Variants in NLGN1 observed in about 807,000 individuals in gnomAD.
NLGN1 encodes neuroligin-1.
In NLGN1, 12 loss-of-function variants were observed where a neutral mutation model predicts 65.5. That is an observed-to-expected ratio of 0.18 (90% CI 0.12 to 0.30). NLGN1 has a LOEUF of 0.30. Among genes scored for constraint, NLGN1 ranks in the 10% least tolerant of loss-of-function variants. The pLI is 1.00. For synonymous variants in NLGN1, 350 were observed against 359.5 expected, an observed-to-expected ratio of 0.97 and a Z score of 0.30; for missense variants, 750 against 1,007.1, an observed-to-expected ratio of 0.74 and a Z score of 3.46.
intron 2 of NLGN1, among the ~76,000 whole-genome samples, chr3:173,526,338 A>T (rs577685889): frequency 9.4e-4 from 142 of 151,544 alleles, no homozygotes; most frequent in South Asian, 1.9e-3. Flanking sequence ...TTTTTTTTTA[A>T]CTGTTGTTGG....
At chr3:173,941,733 CTG>C (rs1392898755) in intron 4 of NLGN1, among the ~76,000 whole-genome samples, 4 of 151,294 alleles carry the variant, frequency 2.6e-5, no homozygotes, top group African/African-American at 4.9e-5. Context: ...TGTAGAAAAA[CTG>C]TGTTATAGGA....
chr3:174,075,236 T>TAAAG (rs1740670789), intron 4 of NLGN1, among the ~76,000 whole-genome samples: 2 of 152,302 alleles, frequency 1.3e-5, no homozygotes, highest in South Asian at 4.1e-4. Context: ...ATTATATTTC[T>TAAAG]AAAGAAATAT....
intron 4 of NLGN1, among the ~76,000 whole-genome samples, chr3:174,092,187 G>C (rs1744648429): frequency 6.6e-6 from 1 of 152,186 alleles, no homozygotes; most frequent in South Asian, 2.1e-4. Context: ...TGACTCTTCA[G>C]AGCTTGTAAG....
rs138770182 is a variant in NLGN1 at position 174,140,650 on chromosome 3, T to C, written c.647-134665T>C. Among the ~76,000 whole-genome samples the C allele has an allele frequency of 2.6e-5, 4 of 152,274 alleles. No individual in the cohort carries two copies. In the East Asian group the frequency reaches 5.8e-4, roughly 22 times the overall value. The stretch of plus-strand genomic sequence containing the variant: ...GGGCTTAGCCATTACTCCACGTTAC[T>C]ATATGTCATCTTCCACCTTCTGGAA... On this transcript the variant is annotated intron_variant, in intron 4 of 6. Coordinates refer to ENST00000457714, the Ensembl canonical transcript of NLGN1.
At chr3:173,903,830 A>G (rs1407814834) in intron 4 of NLGN1, among the ~76,000 whole-genome samples, 1 of 152,140 alleles carries the variant, frequency 6.6e-6, no homozygotes, top group Non-Finnish European at 1.5e-5. Context: ...ATACTGTCAT[A>G]TATTTCAGGG....
intron 4 of NLGN1, among the ~76,000 whole-genome samples, chr3:174,233,475 A>G (rs1035864023): frequency 1.3e-5 from 2 of 149,878 alleles, no homozygotes; most frequent in Non-Finnish European, 3.0e-5. Context: ...AACAAGAGCA[A>G]AACTCTGTCT....
At chr3:173,428,388 G>A (rs1264110865) in intron 1 of NLGN1, among the ~76,000 whole-genome samples, 6 of 150,962 alleles carry the variant, frequency 4.0e-5, no homozygotes, top group Non-Finnish European at 5.9e-5. Flanking sequence ...TTGGCTAAGT[G>A]TTTTTTTCTG....
At chr3:174,073,876 C>A (rs999564446) in intron 4 of NLGN1, among the ~76,000 whole-genome samples, 7 of 151,976 alleles carry the variant, frequency 4.6e-5, no homozygotes, top group African/African-American at 1.7e-4. Flanking sequence ...ATAGAGTGGT[C>A]CTTTTAGTTA....
intron 4 of NLGN1, among the ~76,000 whole-genome samples, chr3:173,840,413 AT>A (rs1356246966): frequency 1.3e-5 from 2 of 152,230 alleles, no homozygotes; most frequent in African/African-American, 4.8e-5. Flanking sequence ...GAACTTTAGA[AT>A]TGCTTAAAAG....
chr3:173,785,846 A>G (rs1781870185), intron 3 of NLGN1, among the ~76,000 whole-genome samples: 1 of 152,194 alleles, frequency 6.6e-6, no homozygotes, highest in Non-Finnish European at 1.5e-5. Flanking sequence ...TTGAGCTTAT[A>G]GTATCAAACA....
At chr3:174,250,392 GT>G (rs1561388537) in intron 4 of NLGN1, among the ~76,000 whole-genome samples, 1 of 152,132 alleles carries the variant, frequency 6.6e-6, no homozygotes, top group South Asian at 2.1e-4. Flanking sequence ...ATTCAAATGA[GT>G]TTTTTATTTG....
intron 4 of NLGN1, among the ~76,000 whole-genome samples, chr3:174,148,557 G>A (rs376129563): frequency 6.6e-6 from 1 of 152,004 alleles, no homozygotes; most frequent in African/African-American, 2.4e-5. Flanking sequence ...ATACTCAGCA[G>A]CATAACCCAA....
intron 3 of NLGN1, among the ~76,000 whole-genome samples, chr3:173,612,170 C>T (rs1440352455): frequency 1.3e-5 from 2 of 152,024 alleles, no homozygotes; most frequent in Non-Finnish European, 2.9e-5. Flanking sequence ...CCAGTATAGA[C>T]GTTTGCTAGT....
At position 173,957,349 on chromosome 3, in the gene NLGN1, A is replaced by T. The variant is rs145466906; in HGVS notation, c.646+149517A>T. 1.7e-4 allele frequency among the ~76,000 whole-genome samples: 26 copies of T among 152,326 alleles called. No individual in the cohort carries two copies. In the East Asian group the frequency reaches 4.6e-3, roughly 27 times the overall value. On this transcript the variant is annotated intron_variant, in intron 4 of 6. Transcript: ENST00000457714. ...AGATCATAATGCAGATATAAATAGC[A>T]TAGCTCATTATATTTTAGATAGCTG...
the NLGN1 span, among the ~76,000 whole-genome samples, chr3:174,294,177 T>G: frequency 2.0e-5 from 3 of 151,850 alleles, no homozygotes; most frequent in African/African-American, 4.8e-5. Flanking sequence ...TCAATATAAA[T>G]GTAATATCAT....
At chr3:173,559,751 T>A (rs1370209952) in intron 2 of NLGN1, among the ~76,000 whole-genome samples, 1 of 152,138 alleles carries the variant, frequency 6.6e-6, no homozygotes, top group Non-Finnish European at 1.5e-5. Flanking sequence ...TTAATATATG[T>A]TTTATTTTCT....
chr3:173,752,438 G>A (rs942769078), intron 3 of NLGN1, among the ~76,000 whole-genome samples: 2 of 151,998 alleles, frequency 1.3e-5, no homozygotes, highest in African/African-American at 4.8e-5. Context: ...ACCACCAGCT[G>A]CTTTTTTCCC....
intron 2 of NLGN1, among the ~76,000 whole-genome samples, chr3:173,532,906 C>T (rs1467503901): frequency 6.6e-6 from 1 of 152,122 alleles, no homozygotes; most frequent in Non-Finnish European, 1.5e-5. Flanking sequence ...GATGGAGCAA[C>T]CATATTCTAA....
At chr3:173,491,108 G>A (rs1470740574) in intron 2 of NLGN1, among the ~76,000 whole-genome samples, 4 of 151,542 alleles carry the variant, frequency 2.6e-5, no homozygotes, top group Admixed American at 6.6e-5. Flanking sequence ...CCTGATTGCC[G>A]TGGCCAGAAC....
Sources: gnomAD v4.1 joint callset for allele counts (sites outside exome capture counted in the v4.1 genomes callset) on GRCh38, gnomAD v4.1.1 for gene constraint, MANE v1.5 for transcripts, NCBI Gene and HGNC (gene_info 2026-07-23, HGNC 2026-07-21) for gene names.